HYAL4: variants seen among roughly 807,000 people sequenced by gnomAD.
HYAL4 encodes hyaluronidase-4.
Under a neutral mutation model 35.2 loss-of-function variants are expected in HYAL4, and 37 were observed. The observed-to-expected ratio is 1.05, with a 90% confidence interval of 0.81 to 1.38. The LOEUF is 1.38. Ranked by LOEUF, HYAL4 falls within the 40% of genes most tolerant of loss-of-function variation. HYAL4 has a pLI of 0.00. For missense variants in HYAL4, 572 were observed against 572.4 expected (o/e 1.00, Z 0.01); for synonymous variants, 198 against 203.2 (o/e 0.97, Z 0.22).
chr7:123,788,268 G>C, the HYAL4 span, among the ~76,000 whole-genome samples: 1 of 152,140 alleles, frequency 6.6e-6, no homozygotes, highest in South Asian at 2.1e-4. Context: ...AACATAGTGA[G>C]ATCTTGTCTC....
chr7:123,830,268 T>A (rs1482259081), intron 1 of HYAL4, among the ~76,000 whole-genome samples: 2 of 152,212 alleles, frequency 1.3e-5, no homozygotes, highest in Non-Finnish European at 2.9e-5. Context: ...GATGAACATT[T>A]TTTTCTAAAA....
upstream of HYAL4, among the ~76,000 whole-genome samples, chr7:123,828,306 T>C (rs1310745128): frequency 6.6e-6 from 1 of 152,126 alleles, no homozygotes; most frequent in Non-Finnish European, 1.5e-5. Context: ...AAATGCTACA[T>C]GTATCAACAT....
chr7:123,852,550 C>T (rs1372994195), intron 2 of HYAL4, among the ~76,000 whole-genome samples: 1 of 151,038 alleles, frequency 6.6e-6, no homozygotes, highest in African/African-American at 2.4e-5. Flanking sequence ...GATGGTTGTA[C>T]ATGTGGTGTT....
the HYAL4 span, among the ~76,000 whole-genome samples, chr7:123,783,407 G>A: frequency 6.6e-6 from 1 of 152,016 alleles, no homozygotes; most frequent in Non-Finnish European, 1.5e-5. Flanking sequence ...TCTAGTGGTG[G>A]AACACACATG....
chr7:123,840,918 T>C (rs1161527564), upstream of HYAL4, among the ~76,000 whole-genome samples: 1 of 152,042 alleles, frequency 6.6e-6, no homozygotes, highest in African/African-American at 2.4e-5. Context: ...AAATATACAA[T>C]CATGTCATCT....
At chr7:123,862,398 A>G (rs543777193) in intron 2 of HYAL4, among the ~76,000 whole-genome samples, 1 of 152,262 alleles carries the variant, frequency 6.6e-6, no homozygotes, top group Admixed American at 6.5e-5. Flanking sequence ...CAATATCATG[A>G]AAAAAGAAAT....
intron 1 of HYAL4, among the ~76,000 whole-genome samples, chr7:123,846,350 C>T (rs770146442): frequency 6.6e-6 from 1 of 151,910 alleles, no homozygotes; most frequent in Non-Finnish European, 1.5e-5. Flanking sequence ...GGTGTTGTTC[C>T]CAGGCCAATG....
the HYAL4 span, among the ~76,000 whole-genome samples, chr7:123,818,851 CATA>C: frequency 1.3e-5 from 2 of 152,046 alleles, no homozygotes; most frequent in Admixed American, 6.6e-5. Flanking sequence ...TCATATACAA[CATA>C]ATGTTTTGAG....
intron 3 of HYAL4, among the ~76,000 whole-genome samples, chr7:123,873,012 G>T (rs1234947191): frequency 6.6e-6 from 1 of 152,144 alleles, no homozygotes; most frequent in African/African-American, 2.4e-5. Context: ...AAGGAGAGCT[G>T]TTAGGGATTT....
chr7:123,852,879 T>G (rs1478024542), intron 2 of HYAL4, among the ~76,000 whole-genome samples: 2 of 152,196 alleles, frequency 1.3e-5, no homozygotes, highest in African/African-American at 2.4e-5. Flanking sequence ...GCATGGAATA[T>G]TTTTCCATTT....
At chr7:123,785,140 C>T in the HYAL4 span, among the ~76,000 whole-genome samples, 1 of 152,218 alleles carries the variant, frequency 6.6e-6, no homozygotes, top group Non-Finnish European at 1.5e-5. The surrounding 1 kb of genome is among the most constrained non-coding windows in gnomAD (Gnocchi z 4.5). Flanking sequence ...TCACGGTTCA[C>T]TGCAGCCTCC....
chr7:123,769,412 G>A, the HYAL4 span, among the ~76,000 whole-genome samples: 6 of 152,082 alleles, frequency 3.9e-5, no homozygotes, highest in Non-Finnish European at 8.8e-5. Flanking sequence ...GTAGGCAGAA[G>A]GAAAAGTTAA....
the HYAL4 span, among the ~76,000 whole-genome samples, chr7:123,784,009 CAGAAAGTACTT>C: frequency 6.8e-6 from 1 of 147,962 alleles, no homozygotes; most frequent in Non-Finnish European, 1.5e-5. Context: ...GAACTTCCTC[CAGAAAGTACTT>C]AGTCACTGTG....
Position 123,877,019 on chromosome 7 carries a change from G to A in HYAL4, c.1310G>A (p.Cys437Tyr), listed in dbSNP as rs780442218. The change falls in exon 5 of 5, where the codon TGT (cysteine) becomes TAT (tyrosine). Residue 437 changes from cysteine to tyrosine, a missense_variant. Cys to Tyr is a radical substitution (Grantham distance 194, BLOSUM62 -2). Transcript: ENST00000223026. The stretch of plus-strand genomic sequence containing the variant: ...ATGGCAGATACATTTTCCTGTCATT[G>A]TTATCAGGGATATGAAGGAGCTGAT... ...AVMADTFSCHCYQGYEGADCR... is the reference protein window; with the variant it reads ...AVMADTFSCHYYQGYEGADCR... 5.0e-6 allele frequency: 8 copies of A among 1,614,214 alleles called. No individual in the cohort carries two copies. The highest frequency in any genetic ancestry group is 5.1e-6 in the Non-Finnish European group (6 of 1,180,026).
chr7:123,828,624 T>G (rs1214602246), upstream of HYAL4, among the ~76,000 whole-genome samples: 1 of 152,198 alleles, frequency 6.6e-6, no homozygotes, highest in Non-Finnish European at 1.5e-5. Flanking sequence ...TAAAGTTCAA[T>G]TTTAACAAAC....
At chr7:123,876,383 T>G (rs774965072) in intron 4 of HYAL4, among the ~76,000 whole-genome samples, 1 of 152,218 alleles carries the variant, frequency 6.6e-6, no homozygotes, top group Non-Finnish European at 1.5e-5. Context: ...TTGGGTTTGT[T>G]CCTTTTCCTT....
the HYAL4 span, among the ~76,000 whole-genome samples, chr7:123,772,149 C>G: frequency 0.066 from 10,056 of 152,112 alleles, 420 homozygotes; most frequent in East Asian, 0.11. Flanking sequence ...ATCATGTGAG[C>G]CAATTCCTCA....
At position 123,877,225 on chromosome 7, in the gene HYAL4, A is replaced by AT. The variant is rs549448949; in HGVS notation, c.*78dup. ...TTTAAAGAAGGATGTAACTTATAACATTTTTTTTCTCTTATGAATTCTATT... is the reference window on the plus strand; with the variant it reads ...TTTAAAGAAGGATGTAACTTATAACATTTTTTTTTCTCTTATGAATTCTATT... On this transcript the variant is annotated 3_prime_UTR_variant, in exon 5 of 5. Transcript: ENST00000223026. 38 of 1,431,350 alleles carry AT rather than the reference A, an allele frequency of 2.7e-5. No individual in the cohort carries two copies. Among genetic ancestry groups the AT allele is most frequent in the African/African-American group, 7.1e-5 (5 of 70,092 alleles). 88.7% of individuals were successfully genotyped at this position (1,431,350 alleles called of 1,614,324 possible).
At chr7:123,872,583 G>GC (rs1372157620) in intron 3 of HYAL4, among the ~76,000 whole-genome samples, 10 of 152,328 alleles carry the variant, frequency 6.6e-5, no homozygotes, top group African/African-American at 2.4e-4. Flanking sequence ...TAGGTGCAAA[G>GC]CACCCTGTGC....
Sources: gnomAD v4.1 joint callset for allele counts (sites outside exome capture counted in the v4.1 genomes callset) on GRCh38, gnomAD v4.1.1 for gene constraint, Gnocchi (gnomAD v3.1) non-coding constraint, MANE v1.5 for transcripts, NCBI Gene and HGNC (gene_info 2026-07-23, HGNC 2026-07-21) for gene names.